The following ROBO2 variants were observed in gnomAD, a reference collection of about 807,000 sequenced individuals.
ROBO2 encodes roundabout guidance receptor 2, also known as roundabout homolog 2.
In ROBO2, 53 loss-of-function variants were observed where a neutral mutation model predicts 160.8. That is an observed-to-expected ratio of 0.33 (90% CI 0.26 to 0.41). ROBO2 has a LOEUF of 0.41. ROBO2 is among the 10% of genes least tolerant of loss of function. The pLI is 1.00. For synonymous variants in ROBO2, 664 were observed against 611.7 expected (o/e 1.09, Z -1.26); for missense variants, 1,577 against 1,722.4 (o/e 0.92, Z 1.49).
chr3:77,255,095 C>T (rs1460023523), intron 2 of ROBO2, among the ~76,000 whole-genome samples: 1 of 152,148 alleles, frequency 6.6e-6, no homozygotes, highest in African/African-American at 2.4e-5. Flanking sequence ...TAGATTAACA[C>T]TGGGGAGACT....
intron 2 of ROBO2, among the ~76,000 whole-genome samples, chr3:77,171,834 T>G (rs1420732677): frequency 6.6e-6 from 1 of 152,170 alleles, no homozygotes; most frequent in African/African-American, 2.4e-5. Flanking sequence ...TCAAATAAGT[T>G]TAAAGAAAAA....
At chr3:76,590,588 G>A (rs1309339918) in intron 2 of ROBO2, among the ~76,000 whole-genome samples, 3 of 152,018 alleles carry the variant, frequency 2.0e-5, no homozygotes, top group African/African-American at 7.2e-5. Context: ...GTAACCAAAG[G>A]ATATAAATTT....
chr3:77,627,459 A>C (rs1473920536), intron 23 of ROBO2, among the ~76,000 whole-genome samples: 1 of 148,202 alleles, frequency 6.7e-6, no homozygotes, highest in African/African-American at 2.5e-5. Flanking sequence ...TTTTTTTTGT[A>C]TTTTTAGTAG....
At chr3:76,604,567 A>G (rs1248282905) in intron 2 of ROBO2, among the ~76,000 whole-genome samples, 1 of 151,594 alleles carries the variant, frequency 6.6e-6, no homozygotes, top group Non-Finnish European at 1.5e-5. Flanking sequence ...TATTGGCCTA[A>G]CTTATTTTGC....
At chr3:77,036,973 A>AT (rs567973000), upstream of ROBO2, among the ~76,000 whole-genome samples, 10 of 151,868 alleles carry the variant, frequency 6.6e-5, 1 homozygote, top group South Asian at 1.9e-3. Flanking sequence ...TGAGAAATCC[A>AT]TTTTTTATAT....
chr3:77,412,187 A>C (rs775791002), intron 2 of ROBO2, among the ~76,000 whole-genome samples: 5 of 152,194 alleles, frequency 3.3e-5, no homozygotes, highest in Non-Finnish European at 5.9e-5. Context: ...ACAGCAAGCC[A>C]AAGACATCTG....
chr3:77,409,530 A>G (rs555539306), intron 2 of ROBO2, among the ~76,000 whole-genome samples: 1 of 152,132 alleles, frequency 6.6e-6, no homozygotes, highest in East Asian at 1.9e-4. Context: ...GAGATTTTCT[A>G]TTGATCCCAG....
intron 2 of ROBO2, among the ~76,000 whole-genome samples, chr3:76,757,553 T>A (rs182786321): frequency 1.3e-5 from 2 of 151,898 alleles, no homozygotes; most frequent in Admixed American, 1.3e-4. Context: ...GTGTTAAGAA[T>A]AATCAATTTT....
chr3:76,129,859 T>C (rs2071157913), intron 2 of ROBO2, among the ~76,000 whole-genome samples: 1 of 152,046 alleles, frequency 6.6e-6, no homozygotes, highest in Admixed American at 6.6e-5. Context: ...CAGGATATTT[T>C]CATATCTTAT....
At chr3:76,059,970 T>G (rs2068012388) in intron 2 of ROBO2, among the ~76,000 whole-genome samples, 1 of 152,186 alleles carries the variant, frequency 6.6e-6, no homozygotes, top group African/African-American at 2.4e-5. Context: ...AGATGTGTGA[T>G]GTTATTTGTG....
At chr3:77,448,168 G>A (rs954273135) in intron 2 of ROBO2, among the ~76,000 whole-genome samples, 1 of 152,190 alleles carries the variant, frequency 6.6e-6, no homozygotes, top group African/African-American at 2.4e-5. Context: ...GCATTGATGG[G>A]CTGAGCTAAC....
chr3:76,891,940 C>A (rs955194125), intron 2 of ROBO2, among the ~76,000 whole-genome samples: 1 of 152,024 alleles, frequency 6.6e-6, no homozygotes, highest in Admixed American at 6.6e-5. Context: ...GTCTGGGGGT[C>A]AGGAGAGGTG....
At chr3:76,913,570 C>A (rs992098713) in intron 2 of ROBO2, among the ~76,000 whole-genome samples, 2 of 151,984 alleles carry the variant, frequency 1.3e-5, no homozygotes, top group Non-Finnish European at 2.9e-5. Context: ...TATTATAAAT[C>A]GAGTTAAAAC....
intron 2 of ROBO2, among the ~76,000 whole-genome samples, chr3:76,622,223 G>A (rs1405894504): frequency 5.2e-3 from 123 of 23,692 alleles, no homozygotes; most frequent in Admixed American, 0.01. Context: ...AGGAAGGAAG[G>A]AAGGAAGGAA....
intron 2 of ROBO2, among the ~76,000 whole-genome samples, chr3:76,544,105 A>G (rs760199901): frequency 5.3e-5 from 8 of 152,022 alleles, no homozygotes; most frequent in South Asian, 4.1e-4. Flanking sequence ...TATAGATACA[A>G]TGCCACTTTG....
At chr3:77,379,597 C>T (rs1050139334) in intron 2 of ROBO2, among the ~76,000 whole-genome samples, 2 of 152,238 alleles carry the variant, frequency 1.3e-5, no homozygotes, top group Middle Eastern at 6.8e-3. Flanking sequence ...AATCTTTGTA[C>T]GTCGTTTGTT....
At chr3:76,938,125 G>A (rs756506980) in intron 2 of ROBO2, among the ~76,000 whole-genome samples, 4 of 152,130 alleles carry the variant, frequency 2.6e-5, no homozygotes, top group South Asian at 2.1e-4. Context: ...TTGGCAGGCC[G>A]AGGCGGGCAG....
At chr3:76,525,576 T>A (rs947518321) in intron 2 of ROBO2, among the ~76,000 whole-genome samples, 4 of 152,090 alleles carry the variant, frequency 2.6e-5, no homozygotes, top group Non-Finnish European at 5.9e-5. Flanking sequence ...ACTTTCTGAG[T>A]CACTTGAAAT....
chr3:77,553,158 C>T (rs1361160100), intron 8 of ROBO2, among the ~76,000 whole-genome samples: 1 of 151,902 alleles, frequency 6.6e-6, no homozygotes, highest in East Asian at 1.9e-4. Context: ...GTAATTCTCA[C>T]AGTATTTCAA....
Sources: allele counts gnomAD v4.1 joint callset (sites outside exome capture counted in the v4.1 genomes callset), GRCh38; gene constraint gnomAD v4.1.1; transcripts MANE v1.5; gene names NCBI Gene and HGNC (gene_info 2026-07-23, HGNC 2026-07-21).